The following SLC35F3 variants were observed in gnomAD, a reference collection of about 807,000 sequenced individuals.
SLC35F3 encodes the protein putative thiamine transporter SLC35F3.
In SLC35F3, 25 loss-of-function variants were observed where a neutral mutation model predicts 49.9. That is an observed-to-expected ratio of 0.50 (90% CI 0.37 to 0.70). SLC35F3 has a LOEUF of 0.70. SLC35F3 is among the 30% of genes least tolerant of loss of function. The pLI is 0.00. For missense variants in SLC35F3, 525 were observed against 639.8 expected (o/e 0.82, Z 1.94); for synonymous variants, 275 against 265.4 (o/e 1.04, Z -0.35).
intron 2 of SLC35F3, among the ~76,000 whole-genome samples, chr1:234,132,739 A>G (rs1248775218): frequency 1.3e-5 from 2 of 152,168 alleles, no homozygotes; most frequent in African/African-American, 4.8e-5. Context: ...TTAAAAATCT[A>G]TTCTGTGCTG....
chr1:234,047,700 C>CAT (rs1664315224), intron 2 of SLC35F3, among the ~76,000 whole-genome samples: 2 of 99,984 alleles, frequency 2.0e-5, no homozygotes, highest in African/African-American at 2.2e-4. Flanking sequence ...CACATACATA[C>CAT]ACACACACAC....
intron 2 of SLC35F3, among the ~76,000 whole-genome samples, chr1:234,011,590 G>A (rs948184976): frequency 6.6e-6 from 1 of 152,066 alleles, no homozygotes; most frequent in African/African-American, 2.4e-5. Flanking sequence ...CACTAAGACA[G>A]TTTAGACATG....
chr1:234,231,697 C>T lies in SLC35F3; in HGVS notation c.564C>T (p.His188=), dbSNP rs1294954039. The T allele has an allele frequency of 5.6e-6, 9 of 1,613,664 alleles. No individual in the cohort carries two copies. In the South Asian group the frequency reaches 7.7e-5, roughly 14 times the overall value. The change falls in exon 3 of 8, where the codon CAC becomes CAT. Residue 188 remains histidine (H), a synonymous_variant. Transcript: ENST00000366618. This position sits in a 1 kb window ranked among gnomAD's most constrained non-coding sequence, Gnocchi z 5.4. ...TCTTCCCGTTGTACTACGTGGGGCACGTCTGCAAGTCCACAGAGAAGCAGT... is the reference window on the plus strand; with the variant it reads ...TCTTCCCGTTGTACTACGTGGGGCATGTCTGCAAGTCCACAGAGAAGCAGT... ...FLFFPLYYVG[H]VCKSTEKQSV... is the part of the protein sequence containing the mutation.
At chr1:234,184,035 A>G (rs559402156) in intron 2 of SLC35F3, among the ~76,000 whole-genome samples, 24 of 152,238 alleles carry the variant, frequency 1.6e-4, no homozygotes, top group Non-Finnish European at 2.8e-4. Context: ...CACATTGGTT[A>G]CTTTGTAGGC....
intron 2 of SLC35F3, among the ~76,000 whole-genome samples, chr1:234,108,421 TTATATATAAAAGA>T (rs1272442150): frequency 2.7e-3 from 260 of 96,966 alleles, no homozygotes; most frequent in African/African-American, 8.9e-3. Flanking sequence ...TATATATTAT[TTATATATAAAAGA>T]TATATATAAA....
At chr1:234,133,007 G>A (rs940580384) in intron 2 of SLC35F3, among the ~76,000 whole-genome samples, 17 of 152,182 alleles carry the variant, frequency 1.1e-4, no homozygotes, top group South Asian at 4.1e-4. Flanking sequence ...CAGTTTTATA[G>A]ATGAGGAAAC....
chr1:234,084,217 A>G (rs910013184), intron 2 of SLC35F3, among the ~76,000 whole-genome samples: 2 of 124,076 alleles, frequency 1.6e-5, no homozygotes, highest in Non-Finnish European at 3.3e-5. Context: ...GTGATAAGGA[A>G]TAGACACACA....
At position 234,019,550 on chromosome 1, in the gene SLC35F3, GT is replaced by G. The variant is rs143794508; in HGVS notation, c.283+113799del. 4.6e-3 allele frequency among the ~76,000 whole-genome samples: 698 copies of G among 152,204 alleles called. 19 individuals carry two copies. The highest frequency in any genetic ancestry group is 0.036 in the East Asian group (187 of 5,164). On this transcript the variant is annotated intron_variant, in intron 2 of 7. Transcript: ENST00000366618. ...CTCTCTTCCTTTGGGGACCTCAGGG[GT>G]TTTTTTCCTCAAGGCCTTCAACTGA... is the stretch of plus-strand genomic sequence containing the variant.
chr1:234,014,959 A>C (rs1335062494), intron 2 of SLC35F3, among the ~76,000 whole-genome samples: 1 of 152,230 alleles, frequency 6.6e-6, no homozygotes, highest in Non-Finnish European at 1.5e-5. Context: ...CACTTTTCAC[A>C]GAAATAGAAA....
At chr1:234,160,527 A>G (rs1481830323) in intron 2 of SLC35F3, among the ~76,000 whole-genome samples, 1 of 152,108 alleles carries the variant, frequency 6.6e-6, no homozygotes, top group Non-Finnish European at 1.5e-5. Flanking sequence ...AATATGGATC[A>G]CCCAAGCCAG....
intron 2 of SLC35F3, among the ~76,000 whole-genome samples, chr1:234,074,140 C>T (rs1664761389): frequency 6.6e-6 from 1 of 152,120 alleles, no homozygotes; most frequent in Non-Finnish European, 1.5e-5. Flanking sequence ...CGGGTGTCAT[C>T]CTACTCTTCA....
chr1:234,184,301 C>T (rs549881688), intron 2 of SLC35F3, among the ~76,000 whole-genome samples: 10 of 152,246 alleles, frequency 6.6e-5, no homozygotes, highest in Non-Finnish European at 1.0e-4. Context: ...TATTCAGTCC[C>T]ATAGCAAAAT....
chr1:234,085,397 T>A (rs1458817163), intron 2 of SLC35F3, among the ~76,000 whole-genome samples: 1 of 152,158 alleles, frequency 6.6e-6, no homozygotes, highest in Non-Finnish European at 1.5e-5. Flanking sequence ...CAAAAATTGG[T>A]TTTTGTTTCC....
At chr1:234,062,451 A>G (rs942502980) in intron 2 of SLC35F3, among the ~76,000 whole-genome samples, 1 of 152,094 alleles carries the variant, frequency 6.6e-6, no homozygotes, top group Non-Finnish European at 1.5e-5. Context: ...TTTCAGGTCA[A>G]TGTTTGAGAT....
intron 2 of SLC35F3, among the ~76,000 whole-genome samples, chr1:233,937,831 C>A (rs1662358435): frequency 6.6e-6 from 1 of 152,010 alleles, no homozygotes; most frequent in Non-Finnish European, 1.5e-5. Context: ...AGTCAGGGGG[C>A]AAGGATGGGA....
chr1:234,249,570 T>C (rs376318863), intron 3 of SLC35F3, among the ~76,000 whole-genome samples: 4 of 152,282 alleles, frequency 2.6e-5, no homozygotes, highest in African/African-American at 9.6e-5. Context: ...CTGCTGTGGG[T>C]TGGGGCAGGG....
At chr1:234,197,813 G>A (rs1017724910) in intron 2 of SLC35F3, among the ~76,000 whole-genome samples, 12 of 152,218 alleles carry the variant, frequency 7.9e-5, no homozygotes, top group Non-Finnish European at 1.5e-4. Flanking sequence ...AATTTCAAAA[G>A]CACCAGCATC....
At chr1:234,286,151 A>G (rs1158198861) in intron 3 of SLC35F3, among the ~76,000 whole-genome samples, 1 of 152,224 alleles carries the variant, frequency 6.6e-6, no homozygotes, top group African/African-American at 2.4e-5. Flanking sequence ...TATTATCTCC[A>G]TTTTGTAGAT....
intron 2 of SLC35F3, among the ~76,000 whole-genome samples, chr1:234,099,350 G>A (rs1250089842): frequency 1.3e-5 from 2 of 152,086 alleles, no homozygotes; most frequent in Non-Finnish European, 2.9e-5. Context: ...TGTGGCTCAC[G>A]CCTGTAATCC....
Sources: gnomAD v4.1 joint callset for allele counts (sites outside exome capture counted in the v4.1 genomes callset) on GRCh38, gnomAD v4.1.1 for gene constraint, Gnocchi (gnomAD v3.1) non-coding constraint, MANE v1.5 for transcripts, NCBI Gene and HGNC (gene_info 2026-07-23, HGNC 2026-07-21) for gene names.